The following GARIN2 variants were observed in gnomAD, a reference collection of about 807,000 sequenced individuals.
GARIN2 encodes golgi associated RAB2 interactor family member 2, also known as Golgi-associated RAB2 interactor protein 2.
At chr14:67,220,427 G>C in the GARIN2 span, among the ~76,000 whole-genome samples, 1 of 151,010 alleles carries the variant, frequency 6.6e-6, no homozygotes, top group Non-Finnish European at 1.5e-5. Flanking sequence ...GGGTAACAGA[G>C]AGAGACCTTT....
the GARIN2 span, chr14:67,198,222 C>T: frequency 6.2e-7 from 1 of 1,613,860 alleles, no homozygotes; most frequent in Non-Finnish European, 8.5e-7. Context: ...TCTCTGCACC[C>T]CACACTCCCA....
chr14:67,199,058 T>C, the GARIN2 span: 2 of 796,390 alleles, frequency 2.5e-6, no homozygotes, highest in South Asian at 1.4e-5. Context: ...GGAGCTCTTT[T>C]GCCATGGCTA....
the GARIN2 span, among the ~76,000 whole-genome samples, chr14:67,212,217 T>A: frequency 6.6e-6 from 1 of 152,222 alleles, no homozygotes; most frequent in East Asian, 1.9e-4. Context: ...TATTAGTTGC[T>A]CAGTAAATGA....
At chr14:67,215,929 A>T in the GARIN2 span, among the ~76,000 whole-genome samples, 1 of 152,192 alleles carries the variant, frequency 6.6e-6, no homozygotes, top group Admixed American at 6.5e-5. Flanking sequence ...CCCAAAACAA[A>T]TGCCCTAAAC....
chr14:67,225,222 G>T, the GARIN2 span: 1 of 1,528,802 alleles, frequency 6.5e-7, no homozygotes, highest in South Asian at 1.3e-5. Context: ...AAGTAAAACA[G>T]AAAAAGACAA....
chr14:67,206,106 C>G, the GARIN2 span, among the ~76,000 whole-genome samples: 2 of 151,330 alleles, frequency 1.3e-5, no homozygotes, highest in Admixed American at 1.3e-4. Flanking sequence ...ATTACTTGAC[C>G]CTTGGAGGCA....
chr14:67,223,730 T>G, the GARIN2 span: 1 of 983,274 alleles, frequency 1.0e-6, no homozygotes, highest in Non-Finnish European at 1.2e-6. Flanking sequence ...TCTCCCATGT[T>G]TTCCCACTTT....
chr14:67,198,969 G>T, the GARIN2 span: 2 of 702,948 alleles, frequency 2.8e-6, no homozygotes, highest in South Asian at 1.5e-5. Context: ...TAATACATTC[G>T]AGAAGCTGCT....
chr14:67,199,334 C>T, the GARIN2 span: 1 of 1,613,870 alleles, frequency 6.2e-7, no homozygotes, highest in Non-Finnish European at 8.5e-7. Context: ...GGCATCAGCT[C>T]ACAACAAAAA....
the GARIN2 span, among the ~76,000 whole-genome samples, chr14:67,215,065 G>C: frequency 0.011 from 1,606 of 152,200 alleles, 29 homozygotes; most frequent in African/African-American, 0.036. Flanking sequence ...GGAGATTCTG[G>C]GCTGAGACAA....
the GARIN2 span, among the ~76,000 whole-genome samples, chr14:67,227,905 C>T: frequency 1.3e-5 from 2 of 152,114 alleles, no homozygotes; most frequent in African/African-American, 2.4e-5. Flanking sequence ...TGCGGTGGCT[C>T]ACGCCTATAA....
At chr14:67,196,412 T>C in the GARIN2 span, among the ~76,000 whole-genome samples, 3 of 152,016 alleles carry the variant, frequency 2.0e-5, no homozygotes, top group African/African-American at 7.2e-5. Flanking sequence ...AGACAGGATT[T>C]CACGACGTTG....
chr14:67,222,071 C>G, the GARIN2 span: 1 of 410,642 alleles, frequency 2.4e-6, no homozygotes, highest in Non-Finnish European at 4.3e-6. Context: ...GTTTAGTTTC[C>G]CAGTTCCCTG....
chr14:67,193,263 GACATCTATCTATATATCTC>G, the GARIN2 span, among the ~76,000 whole-genome samples: 17 of 126,816 alleles, frequency 1.3e-4, no homozygotes, highest in African/African-American at 4.5e-4. Flanking sequence ...TCTCTATATA[GACATCTATCTATATATCTC>G]TATATAGACA....
At chr14:67,225,956 TGTGTGTGCGC>T in the GARIN2 span, among the ~76,000 whole-genome samples, 3 of 136,228 alleles carry the variant, frequency 2.2e-5, no homozygotes, top group Admixed American at 7.3e-5. Context: ...TGTGTGTGTG[TGTGTGTGCGC>T]GCGCGCGCGT....
the GARIN2 span, chr14:67,205,110 T>C: frequency 1.3e-6 from 2 of 1,536,498 alleles, no homozygotes; most frequent in South Asian, 1.2e-5. Flanking sequence ...CTGAAGACTT[T>C]CATGCTTTAA....
At chr14:67,205,121 T>C in the GARIN2 span, 3 of 1,527,970 alleles carry the variant, frequency 2.0e-6, no homozygotes, top group Middle Eastern at 3.4e-4. Context: ...CATGCTTTAA[T>C]AATCGAGAAC....
the GARIN2 span, chr14:67,221,994 C>T: frequency 1.6e-6 from 1 of 639,620 alleles, no homozygotes; most frequent in Non-Finnish European, 2.5e-6. Flanking sequence ...AAAGCCGATC[C>T]TCAGGCTATC....
At chr14:67,218,596 C>T in the GARIN2 span, among the ~76,000 whole-genome samples, 1 of 152,086 alleles carries the variant, frequency 6.6e-6, no homozygotes, top group Non-Finnish European at 1.5e-5. Flanking sequence ...GGGGCATGTC[C>T]GTCAGGAGCA....
Sources: gnomAD v4.1 joint callset for allele counts (sites outside exome capture counted in the v4.1 genomes callset) on GRCh38, gnomAD v4.1.1 for gene constraint, MANE v1.5 for transcripts, NCBI Gene and HGNC (gene_info 2026-07-23, HGNC 2026-07-21) for gene names.